TRPV1: variants seen among roughly 807,000 people sequenced by gnomAD.
The protein encoded by TRPV1 is OTRPC1.
A neutral mutation model predicts 82.3 loss-of-function variants in TRPV1; 82 were observed. The ratio of observed to expected loss-of-function variants is 1.00; its 90% confidence interval spans 0.83 to 1.20. The LOEUF is 1.20. Among genes scored for constraint, TRPV1 ranks in the 50% most tolerant of loss-of-function variants. TRPV1 has a pLI of 0.00. For synonymous variants in TRPV1, 515 were observed against 467.7 expected, an observed-to-expected ratio of 1.10 and a Z score of -1.30; for missense variants, 1,067 against 1,096.8, an observed-to-expected ratio of 0.97 and a Z score of 0.38.
chr17:3,582,573 G>A (rs1040515750), intron 10 of TRPV1, among the ~76,000 whole-genome samples: 1 of 150,216 alleles, frequency 6.7e-6, no homozygotes. Flanking sequence ...ATCTGAAACA[G>A]TGAGTCCCAC....
chr17:3,607,357 A>T (rs1045419449), intron 2 of TRPV1, among the ~76,000 whole-genome samples: 1 of 151,378 alleles, frequency 6.6e-6, no homozygotes, highest in Non-Finnish European at 1.5e-5. Context: ...GAAAAAAAAA[A>T]TACAGTAGCC....
At chr17:3,576,981 A>C in intron 13 of TRPV1, 145 bp downstream of exon 13, 1 of 760,844 alleles carries the variant, frequency 1.3e-6, no homozygotes, top group Non-Finnish European at 2.1e-6. Flanking sequence ...AGCTCATTTC[A>C]GTGTGTCCTC....
At chr17:3,587,182 C>G (rs2075095569) in intron 8 of TRPV1, among the ~76,000 whole-genome samples, 1 of 152,216 alleles carries the variant, frequency 6.6e-6, no homozygotes, top group South Asian at 2.1e-4. Context: ...ATCTGGACCT[C>G]TCCTCTGGGA....
At position 3,592,709 on chromosome 17, in the gene TRPV1, T is replaced by C. The variant is rs1012070746; in HGVS notation, c.-33-326A>G. The C allele has an allele frequency of 3.2e-5, 8 of 251,584 alleles. No homozygotes were observed. In the East Asian group the frequency reaches 3.6e-4, roughly 11 times the overall value. 15.6% of individuals were successfully genotyped at this position (251,584 alleles called of 1,614,324 possible). On this transcript the variant is annotated intron_variant, in intron 2 of 16. Transcript: ENST00000572705. ...TCGTCTCTGGGCCTCAGGTGCCTCC[T>C]CTGCAGGGTGAGGTTGATAACCACC...
In TRPV1 at chr17:3,573,790, T is replaced by C; in HGVS notation, c.1946A>G (p.Glu649Gly). The C allele has an allele frequency of 6.2e-7, 1 of 1,613,814 alleles. No homozygotes were observed. The highest frequency in any genetic ancestry group is 8.5e-7 in the Non-Finnish European group (1 of 1,179,872). The change falls in exon 14 of 17, where the codon GAG (glutamate) becomes GGG (glycine). Residue 649 changes from glutamate (E) to glycine (G), a missense_variant. By Grantham distance (98) the Glu-to-Gly change is moderately conservative. Coordinates refer to ENST00000572705, the MANE Select transcript of TRPV1 (RefSeq NM_080704.4). ...FKFTIGMGDL[E>G]FTENYDFKAV... ...CTTGAAGTCATAGTTCTCAGTGAAC[T>C]CCAGGTCGCCCATGCCGATGGTGAA...
intron 2 of TRPV1, among the ~76,000 whole-genome samples, chr17:3,607,538 AT>A (rs71379522): frequency 0.52 from 72,825 of 140,640 alleles, 18,903 homozygotes; most frequent in East Asian, 0.74. Flanking sequence ...AAGTAGAACA[AT>A]TTTTTTTTTT....
Position 3,592,149 on chromosome 17 carries a change from C to T in TRPV1, c.202G>A (p.Gly68Ser), listed in dbSNP as rs200442799. Reference protein sequence around the residue: ...AFPVDCPHEEGELDSCPTITV... With the variant: ...AFPVDCPHEESELDSCPTITV... ...ATGGTCGGGCAGGAGTCCAGCTCAC[C>T]TTCCTCGTGAGGGCAATCCACCGGG... The change falls in exon 3 of 17, where the codon GGT becomes AGT. Residue 68 changes from glycine (G) to serine (S), a missense_variant. Coordinates refer to ENST00000572705, the MANE Select transcript of TRPV1 (RefSeq NM_080704.4). 7.4e-6 allele frequency: 12 copies of T among 1,613,744 alleles called. No individual in the cohort carries two copies. Among genetic ancestry groups the T allele is most frequent in the Non-Finnish European group, 9.3e-6 (11 of 1,179,864 alleles).
At chr17:3,587,448 T>C (rs1346737912) in intron 8 of TRPV1, among the ~76,000 whole-genome samples, 2 of 152,150 alleles carry the variant, frequency 1.3e-5, no homozygotes, top group Non-Finnish European at 2.9e-5. Context: ...GCAGGATGGA[T>C]TACTCACTAC....
intron 2 of TRPV1, chr17:3,592,672 A>T (rs2075174866): frequency 5.5e-6 from 2 of 361,202 alleles, no homozygotes; most frequent in Non-Finnish European, 1.0e-5. Flanking sequence ...TCTGGGTTAG[A>T]CCCATCCCTC....
intron 2 of TRPV1, chr17:3,592,603 C>A: frequency 5.5e-6 from 3 of 544,888 alleles, no homozygotes; most frequent in Non-Finnish European, 9.8e-6. Flanking sequence ...GGCAGTCCTG[C>A]GGCCACTGAC....
At position 3,588,275 on chromosome 17, in the gene TRPV1, G is replaced by A. The variant is rs1201896532; in HGVS notation, c.1137C>T (p.His379=). ...KFTEWAYGPV[H]SSLYDLSCID... Reference sequence around the variant, plus strand: ...TGCAGGACAGGTCGTACAGCGAGGAGTGCACGGGCCCGTAGGCCCACTCGG... The same window carrying A: ...TGCAGGACAGGTCGTACAGCGAGGAATGCACGGGCCCGTAGGCCCACTCGG... The change falls in exon 8 of 17, where the codon CAC becomes CAT. Residue 379 remains histidine (H), a synonymous_variant. Transcript: ENST00000572705. 3 of 1,581,404 alleles carry A rather than the reference G, an allele frequency of 1.9e-6. No individual in the cohort carries two copies. Among genetic ancestry groups the A allele is most frequent in the South Asian group, 1.2e-5 (1 of 86,028 alleles).
At position 3,592,403 on chromosome 17, in the gene TRPV1, G is replaced by A. The variant is rs199638272; in HGVS notation, c.-33-20C>T. 4.5e-5 allele frequency: 68 copies of A among 1,526,580 alleles called. No individual in the cohort carries two copies. The highest frequency in any genetic ancestry group is 1.2e-4 in the Admixed American group (6 of 50,206). 94.6% of individuals were successfully genotyped at this position (1,526,580 alleles called of 1,614,324 possible). A position where few individuals can be genotyped will look rare whatever the true frequency, so the allele number is the denominator to read the frequency against. Reference sequence around the variant, plus strand: ...TGCAACCTGCAGCAGCCACCACGCCGGGGTTGACTCCCAAAGTAAGGACTG... The same window carrying A: ...TGCAACCTGCAGCAGCCACCACGCCAGGGTTGACTCCCAAAGTAAGGACTG... On this transcript the variant is annotated intron_variant, in intron 2 of 16. Coordinates refer to ENST00000572705, the MANE Select transcript of TRPV1 (RefSeq NM_080704.4).
In TRPV1 at chr17:3,589,578, T is replaced by G. The variant is rs2075127719; in HGVS notation, c.1044+229A>C. The stretch of plus-strand genomic sequence containing the variant: ...CACCCTACCCCACCCCATGTCTTGT[T>G]GCTGATACTCAGAGCTGGAAATTCA... On this transcript the variant is annotated intron_variant, in intron 7 of 16. Coordinates refer to ENST00000572705, the MANE Select transcript of TRPV1 (RefSeq NM_080704.4). 3.9e-5 allele frequency among the ~76,000 whole-genome samples: 6 copies of G among 152,314 alleles called. No homozygotes were observed. In the South Asian group the frequency reaches 1.2e-3, roughly 32 times the overall value.
In TRPV1 at chr17:3,590,281, T is replaced by C. The variant is rs751543089; in HGVS notation, c.716A>G (p.Lys239Arg). ...GTAGAATCCAGGCCGCCCTTTGGTT[T>C]TCTTAAAGAAGTCCCCATGGGCCGC... ...QAAAHGDFFK[K>R]TKGRPGFYFG... Residue 239 changes from lysine (K) to arginine (R), a missense_variant, in exon 6 of 17, where the codon AAA becomes AGA. Physicochemically the swap from Lys to Arg is conservative, Grantham distance 26. Coordinates refer to ENST00000572705, the MANE Select transcript of TRPV1 (RefSeq NM_080704.4). 1 of 1,613,988 alleles carries C rather than the reference T, an allele frequency of 6.2e-7. No homozygotes were observed. The highest frequency in any genetic ancestry group is 2.2e-5 in the East Asian group (1 of 44,884).
intron 2 of TRPV1, among the ~76,000 whole-genome samples, chr17:3,603,947 C>A (rs1177195523): frequency 6.6e-6 from 1 of 152,164 alleles, no homozygotes; most frequent in African/African-American, 2.4e-5. Flanking sequence ...GCTCAAGAAG[C>A]CCACGATGGA....
At chr17:3,575,101 TACAA>T (rs1458400552) in intron 13 of TRPV1, among the ~76,000 whole-genome samples, 3 of 152,124 alleles carry the variant, frequency 2.0e-5, no homozygotes, top group African/African-American at 7.2e-5. Flanking sequence ...GCCATTCTGA[TACAA>T]ACAAATACAT....
At chr17:3,577,576 C>T (rs2150832697) in intron 12 of TRPV1, 22 bp downstream of exon 12, 2 of 1,563,148 alleles carry the variant, frequency 1.3e-6, no homozygotes, top group Non-Finnish European at 1.7e-6. Flanking sequence ...TGAGGAGACC[C>T]ACTGGGGCCC....
At chr17:3,583,554 C>A (rs2075047603) in intron 9 of TRPV1, 124 bp from the exon 10 acceptor site, 1 of 816,146 alleles carries the variant, frequency 1.2e-6, no homozygotes, top group Non-Finnish European at 1.9e-6. Context: ...GAAGGACACA[C>A]AAAGACAGTG....
At chr17:3,590,526 C>T (rs974668684) in intron 5 of TRPV1, 134 bp from the exon 6 acceptor site, 4 of 1,366,360 alleles carry the variant, frequency 2.9e-6, no homozygotes, top group Non-Finnish European at 1.9e-6. Context: ...GAGGACCCCC[C>T]CACTGCAGGA....
Sources: allele counts gnomAD v4.1 joint callset (sites outside exome capture counted in the v4.1 genomes callset), GRCh38; gene constraint gnomAD v4.1.1; transcripts MANE v1.5; gene names NCBI Gene and HGNC (gene_info 2026-07-23, HGNC 2026-07-21).